PSD3: variants seen among roughly 807,000 people sequenced by gnomAD.
PSD3 encodes pleckstrin and Sec7 domain containing 3.
In PSD3, 49 loss-of-function variants were observed where a neutral mutation model predicts 105.5. That is an observed-to-expected ratio of 0.46 (90% CI 0.37 to 0.59). The LOEUF (loss-of-function observed/expected upper bound fraction) is 0.59. Among genes scored for constraint, PSD3 ranks in the 20% least tolerant of loss-of-function variants. The pLI is 0.00. For synonymous variants in PSD3, 557 were observed against 457.8 expected (o/e 1.22, Z -2.77); for missense variants, 1,561 against 1,263.8 (o/e 1.24, Z -3.57).
At chr8:18,898,624 T>C (rs923305495) in intron 2 of PSD3, among the ~76,000 whole-genome samples, 12 of 152,216 alleles carry the variant, frequency 7.9e-5, no homozygotes, top group African/African-American at 2.4e-4. Flanking sequence ...TTACTGATAA[T>C]ATAAATAGGG....
intron 15 of PSD3, among the ~76,000 whole-genome samples, chr8:18,555,180 G>A (rs750110517): frequency 5.3e-5 from 8 of 152,028 alleles, no homozygotes; most frequent in South Asian, 2.1e-4. Flanking sequence ...GAAGGAGAGC[G>A]GAGTGAGAGG....
rs143531008 is a variant in PSD3 at position 18,580,642 on chromosome 8, A to C, written c.2482-5357T>G. 7.2e-5 allele frequency among the ~76,000 whole-genome samples: 11 copies of C among 152,288 alleles called. No homozygotes were observed. The East Asian group carries it at 2.1e-3, about 29-fold the overall frequency. ...TGGAACAAAATCTCTCTTCCGAGTA[A>C]GCCAGAGAATAAAGATGATTCTGCA... On this transcript the variant is annotated intron_variant, in intron 12 of 15. Coordinates refer to ENST00000327040, the MANE Select transcript of PSD3 (RefSeq NM_015310.4).
chr8:18,639,304 T>G (rs1454253033), intron 10 of PSD3, among the ~76,000 whole-genome samples: 1 of 152,112 alleles, frequency 6.6e-6, no homozygotes, highest in Non-Finnish European at 1.5e-5. Flanking sequence ...CTGTACATCT[T>G]TGGTTTTCAG....
intron 1 of PSD3, among the ~76,000 whole-genome samples, chr8:19,057,381 C>A (rs919057426): frequency 1.3e-5 from 2 of 152,190 alleles, no homozygotes; most frequent in African/African-American, 4.8e-5. Flanking sequence ...ATGGCCTCAT[C>A]TCAGCAGCAT....
intron 8 of PSD3, among the ~76,000 whole-genome samples, chr8:18,783,380 C>T (rs1374070248): frequency 6.6e-6 from 1 of 152,080 alleles, no homozygotes; most frequent in Non-Finnish European, 1.5e-5. Context: ...CAACTTTTGT[C>T]AGTTGTTGAT....
intron 2 of PSD3, among the ~76,000 whole-genome samples, chr8:18,888,419 C>T (rs181442790): frequency 6.2e-4 from 94 of 151,906 alleles, no homozygotes; most frequent in African/African-American, 2.1e-3. Flanking sequence ...ATCTGGATTC[C>T]GTCACTTTCC....
chr8:19,010,272 C>T (rs1826892715), intron 1 of PSD3, among the ~76,000 whole-genome samples: 1 of 152,142 alleles, frequency 6.6e-6, no homozygotes, highest in Non-Finnish European at 1.5e-5. Context: ...AAATGCTCTG[C>T]CACCTCTGTG....
At chr8:19,044,910 C>T (rs926177352) in intron 1 of PSD3, among the ~76,000 whole-genome samples, 1 of 152,178 alleles carries the variant, frequency 6.6e-6, no homozygotes, top group Non-Finnish European at 1.5e-5. Context: ...CCAGGCTGGG[C>T]ATGGCGGATC....
At chr8:18,853,193 C>T (rs1815730328) in intron 4 of PSD3, among the ~76,000 whole-genome samples, 1 of 152,074 alleles carries the variant, frequency 6.6e-6, no homozygotes, top group Non-Finnish European at 1.5e-5. Context: ...AATTGTTATA[C>T]TGATGGGCTA....
intron 1 of PSD3, among the ~76,000 whole-genome samples, chr8:19,078,051 GAC>G (rs1397184922): frequency 6.6e-6 from 1 of 152,006 alleles, no homozygotes; most frequent in Non-Finnish European, 1.5e-5. Flanking sequence ...TTCTTTTTGA[GAC>G]ACAGTCTTGC....
At chr8:18,615,728 A>G (rs1283115984) in intron 11 of PSD3, among the ~76,000 whole-genome samples, 1 of 152,240 alleles carries the variant, frequency 6.6e-6, no homozygotes, top group Non-Finnish European at 1.5e-5. Flanking sequence ...ATCGCAGTCT[A>G]TCTGAGAAGG....
At chr8:18,697,842 T>C (rs1438337258) in intron 9 of PSD3, among the ~76,000 whole-genome samples, 1 of 152,330 alleles carries the variant, frequency 6.6e-6, no homozygotes, top group Non-Finnish European at 1.5e-5. Flanking sequence ...CAAATTGTTT[T>C]CTGAAAAGCA....
exon 1 of PSD3, chr8:19,084,369 G>A (rs796793360): frequency 1.1e-5 from 5 of 456,138 alleles, no homozygotes; most frequent in Non-Finnish European, 2.2e-5. Context: ...CCTCAGCACA[G>A]TCCTTTCCGC....
At chr8:19,007,101 G>T (rs61050926) in intron 1 of PSD3, among the ~76,000 whole-genome samples, 1 of 151,776 alleles carries the variant, frequency 6.6e-6, no homozygotes, top group Admixed American at 6.6e-5. Context: ...CTAAAAATAC[G>T]AAACAGCCAG....
chr8:18,996,830 T>C (rs113667062), intron 1 of PSD3, among the ~76,000 whole-genome samples: 2 of 151,910 alleles, frequency 1.3e-5, no homozygotes, highest in Admixed American at 1.3e-4. Flanking sequence ...TCCCCACTAC[T>C]ACACTATAAT....
At chr8:18,732,580 A>G (rs1446246652) in intron 9 of PSD3, among the ~76,000 whole-genome samples, 1 of 152,164 alleles carries the variant, frequency 6.6e-6, no homozygotes, top group African/African-American at 2.4e-5. Context: ...GAGCACCTTG[A>G]TGCTCCTACA....
intron 1 of PSD3, among the ~76,000 whole-genome samples, chr8:18,941,030 T>C (rs1340000071): frequency 6.6e-6 from 1 of 152,212 alleles, no homozygotes; most frequent in Non-Finnish European, 1.5e-5. Context: ...TTATAAATTT[T>C]TACTGATCTC....
chr8:18,974,304 G>A (rs923987661), intron 1 of PSD3, among the ~76,000 whole-genome samples: 10 of 152,196 alleles, frequency 6.6e-5, no homozygotes, highest in African/African-American at 2.4e-4. Context: ...CAACCTCTGA[G>A]TTATTTCAAA....
chr8:18,763,346 T>A (rs536094642), intron 9 of PSD3, among the ~76,000 whole-genome samples: 40 of 152,258 alleles, frequency 2.6e-4, no homozygotes, highest in African/African-American at 9.6e-4. Context: ...GCCTGTAACA[T>A]GGAGATTGGA....
Sources: gnomAD v4.1 joint callset for allele counts (sites outside exome capture counted in the v4.1 genomes callset) on GRCh38, gnomAD v4.1.1 for gene constraint, MANE v1.5 for transcripts, NCBI Gene and HGNC (gene_info 2026-07-23, HGNC 2026-07-21) for gene names.